OR14I1: variants seen among roughly 807,000 people sequenced by gnomAD.
OR14I1 encodes the protein olfactory receptor family 14 subfamily I member 1, also known as olfactory receptor 14I1.
For synonymous variants in OR14I1, 118 were observed against 71.1 expected, an observed-to-expected ratio of 1.66 and a Z score of -3.32; for missense variants, 279 against 181.8, an observed-to-expected ratio of 1.53 and a Z score of -3.07.
the OR14I1 span, among the ~76,000 whole-genome samples, chr1:248,690,275 C>T: frequency 7.9e-5 from 12 of 151,894 alleles, no homozygotes; most frequent in Non-Finnish European, 1.8e-4. Flanking sequence ...TTCAAAAAAA[C>T]AATGAAATCA....
the OR14I1 span, among the ~76,000 whole-genome samples, chr1:248,688,646 G>T: frequency 6.6e-6 from 1 of 152,144 alleles, no homozygotes; most frequent in African/African-American, 2.4e-5. Flanking sequence ...TTTCAAGATT[G>T]CAAGACTGAA....
chr1:248,699,887 A>G, the OR14I1 span, among the ~76,000 whole-genome samples: 2 of 152,168 alleles, frequency 1.3e-5, no homozygotes, highest in African/African-American at 4.8e-5. Flanking sequence ...CCTCCCAAGT[A>G]GCTGGGACTA....
At chr1:248,689,215 GC>G in the OR14I1 span, among the ~76,000 whole-genome samples, 1 of 152,088 alleles carries the variant, frequency 6.6e-6, no homozygotes, top group African/African-American at 2.4e-5. Context: ...CCCCACTGTG[GC>G]CTTTGTAACT....
chr1:248,699,503 G>C, the OR14I1 span, among the ~76,000 whole-genome samples: 1 of 152,114 alleles, frequency 6.6e-6, no homozygotes, highest in Non-Finnish European at 1.5e-5. Flanking sequence ...TGGGGAGATG[G>C]GTGGAGGCTA....
the OR14I1 span, among the ~76,000 whole-genome samples, chr1:248,694,728 A>G: frequency 0.19 from 28,228 of 152,154 alleles, 3,261 homozygotes; most frequent in African/African-American, 0.33. Flanking sequence ...CCTTGTACAA[A>G]TGCATGTAGG....
At chr1:248,688,099 C>T in the OR14I1 span, among the ~76,000 whole-genome samples, 1 of 152,144 alleles carries the variant, frequency 6.6e-6, no homozygotes, top group South Asian at 2.1e-4. Flanking sequence ...GTTATCTACC[C>T]TAAACTTGCA....
chr1:248,679,510 C>T (rs1168043370), downstream of OR14I1, among the ~76,000 whole-genome samples: 1 of 151,792 alleles, frequency 6.6e-6, no homozygotes, highest in East Asian at 1.9e-4. Flanking sequence ...GATTAAAAAC[C>T]ATTTATAATG....
At chr1:248,682,664 A>C (rs1302684361), upstream of OR14I1, among the ~76,000 whole-genome samples, 1 of 152,198 alleles carries the variant, frequency 6.6e-6, no homozygotes, top group Non-Finnish European at 1.5e-5. Context: ...ATACTAAATA[A>C]AAATTTGTGG....
the OR14I1 span, among the ~76,000 whole-genome samples, chr1:248,700,087 C>A: frequency 6.6e-6 from 1 of 152,190 alleles, no homozygotes; most frequent in Non-Finnish European, 1.5e-5. Context: ...TACAGAATCA[C>A]CCAGGAGCTT....
At chr1:248,695,682 C>G in the OR14I1 span, among the ~76,000 whole-genome samples, 8 of 152,264 alleles carry the variant, frequency 5.3e-5, no homozygotes, top group Non-Finnish European at 1.0e-4. Flanking sequence ...TCCTTCTCTT[C>G]ATGGCAGCAC....
At chr1:248,679,276 G>A (rs1049173052), downstream of OR14I1, among the ~76,000 whole-genome samples, 3 of 152,076 alleles carry the variant, frequency 2.0e-5, no homozygotes, top group Non-Finnish European at 2.9e-5. Flanking sequence ...TTCAACGTAA[G>A]CATTAAAAAA....
chr1:248,688,707 T>A, the OR14I1 span, among the ~76,000 whole-genome samples: 2 of 152,204 alleles, frequency 1.3e-5, no homozygotes, highest in Admixed American at 1.3e-4. Context: ...GCAAAGATCA[T>A]GACAACAAGA....
At chr1:248,685,811 G>A (rs1409898273), upstream of OR14I1, among the ~76,000 whole-genome samples, 5 of 150,594 alleles carry the variant, frequency 3.3e-5, 1 homozygote, top group South Asian at 1.0e-3. Context: ...TGTACATATA[G>A]TGTGTATATA....
the OR14I1 span, among the ~76,000 whole-genome samples, chr1:248,690,999 T>C: frequency 6.6e-6 from 1 of 152,332 alleles, no homozygotes; most frequent in Admixed American, 6.5e-5. Context: ...AACCACATGA[T>C]TATCTCAATA....
chr1:248,692,059 G>A, the OR14I1 span: 1 of 152,404 alleles, frequency 6.6e-6, no homozygotes, highest in African/African-American at 2.4e-5. Flanking sequence ...CGGGAGCGCG[G>A]GCCCGGCCGC....
chr1:248,681,426 C>T (rs1399320573), exon 1 of OR14I1: 2 of 780,308 alleles, frequency 2.6e-6, no homozygotes, highest in South Asian at 1.3e-5. Flanking sequence ...TTTTAATCTC[C>T]TTATTCCTAA....
At chr1:248,700,601 A>G in the OR14I1 span, among the ~76,000 whole-genome samples, 6 of 152,358 alleles carry the variant, frequency 3.9e-5, no homozygotes, top group South Asian at 1.2e-3. Context: ...TGTTTCTGTC[A>G]TGACAACTTG....
chr1:248,697,784 A>AAAAAAAC, the OR14I1 span, among the ~76,000 whole-genome samples: 3 of 152,164 alleles, frequency 2.0e-5, no homozygotes, highest in Non-Finnish European at 4.4e-5. Flanking sequence ...ACTCCATCTC[A>AAAAAAAC]AAAAAACAAA....
At chr1:248,680,423 T>C (rs1240791041), downstream of OR14I1, among the ~76,000 whole-genome samples, 1 of 152,176 alleles carries the variant, frequency 6.6e-6, no homozygotes, top group Admixed American at 6.5e-5. Flanking sequence ...ATCAAGACTC[T>C]TATCCTGAAC....
Sources: gnomAD v4.1 joint callset for allele counts (sites outside exome capture counted in the v4.1 genomes callset) on GRCh38, gnomAD v4.1.1 for gene constraint, MANE v1.5 for transcripts, NCBI Gene and HGNC (gene_info 2026-07-23, HGNC 2026-07-21) for gene names.